The following PLAA variants were observed in gnomAD, a reference collection of about 807,000 sequenced individuals.
PLAA encodes phospholipase A-2-activating protein.
PLAA carries 48 observed loss-of-function variants against 84.1 expected under a neutral mutation model. The ratio of observed to expected loss-of-function variants is 0.57; its 90% CI spans 0.45 to 0.73. The LOEUF (loss-of-function observed/expected upper bound fraction) is 0.73. PLAA is among the 30% of genes least tolerant of loss of function. PLAA has a pLI of 0.00. For synonymous variants in PLAA, 392 were observed against 336.6 expected, an observed-to-expected ratio of 1.16 and a Z score of -1.80; for missense variants, 903 against 954.7, an observed-to-expected ratio of 0.95 and a Z score of 0.71.
chr9:26,905,786 A>C lies in PLAA; in HGVS notation c.2113T>G (p.Leu705Val). 6.2e-7 allele frequency: 1 copy of C among 1,614,226 alleles called. No homozygotes were observed. Among genetic ancestry groups the C allele is most frequent in the South Asian group, 1.1e-5 (1 of 91,082 alleles). ...AAACAAACAGAATAGTTCAGGGCCA[A>C]TGTAGCCAGAGCAATGTGAATGTTC... ...NKNIHIALAT[L>V]ALNYSVCFHK... is the part of the protein sequence containing the mutation. Residue 705 changes from leucine to valine, a missense_variant, in exon 14 of 14, where the codon TTG becomes GTG. By Grantham distance (32) the Leu-to-Val change is conservative. Transcript: ENST00000397292.
At chr9:26,943,251 G>T (rs1257374083) in intron 1 of PLAA, among the ~76,000 whole-genome samples, 1 of 152,120 alleles carries the variant, frequency 6.6e-6, no homozygotes, top group African/African-American at 2.4e-5. Flanking sequence ...CAACAGATAT[G>T]TCTCCACTCT....
rs1457437469 is a variant in PLAA at position 26,913,873 on chromosome 9, A to G, written c.1555+6T>C. 5 of 1,584,906 alleles carry G rather than the reference A, an allele frequency of 3.2e-6. No homozygotes were observed. Among genetic ancestry groups the G allele is most frequent in the Non-Finnish European group, 4.3e-6 (5 of 1,159,218 alleles). On this transcript the variant is annotated splice_donor_region_variant and intron_variant, in intron 11 of 13. Coordinates refer to ENST00000397292, the MANE Select transcript of PLAA (RefSeq NM_001031689.3). ...AAAAAAAGAAAAAGAAATAAAAAGT[A>G]TGTACCTGTAAATGGATCAACTCCG...
intron 12 of PLAA, among the ~76,000 whole-genome samples, 169 bp from the exon 13 acceptor site, chr9:26,908,167 C>CT (rs375603485): frequency 0.071 from 9,643 of 135,030 alleles, 532 homozygotes; most frequent in African/African-American, 0.14. Context: ...TGAGCTTTGT[C>CT]TTTTTTTTTT....
At chr9:26,931,807 C>T (rs1008158021) in intron 2 of PLAA, among the ~76,000 whole-genome samples, 2 of 152,040 alleles carry the variant, frequency 1.3e-5, no homozygotes, top group South Asian at 4.1e-4. Context: ...TTTGGAAGGC[C>T]GAGGCAGGCA....
At chr9:26,944,448 A>G (rs1358335431) in intron 1 of PLAA, among the ~76,000 whole-genome samples, 1 of 152,216 alleles carries the variant, frequency 6.6e-6, no homozygotes, top group Non-Finnish European at 1.5e-5. Context: ...GTTGGCATCA[A>G]TAAGAGCTTA....
At chr9:26,942,279 T>C (rs1272949651) in intron 1 of PLAA, among the ~76,000 whole-genome samples, 1 of 152,032 alleles carries the variant, frequency 6.6e-6, no homozygotes, top group Non-Finnish European at 1.5e-5. Context: ...ATCCAACATA[T>C]GAGGTTCAAA....
At chr9:26,944,280 C>G (rs1047237061) in intron 1 of PLAA, among the ~76,000 whole-genome samples, 6 of 152,136 alleles carry the variant, frequency 3.9e-5, no homozygotes, top group African/African-American at 1.4e-4. Flanking sequence ...GCATCCAGAA[C>G]TATGAAAAAT....
chr9:26,938,288 G>A (rs763428902), intron 1 of PLAA, among the ~76,000 whole-genome samples: 1 of 152,056 alleles, frequency 6.6e-6, no homozygotes, highest in South Asian at 2.1e-4. Context: ...TAGGAGAACC[G>A]CTTGAGCCCA....
chr9:26,937,190 T>C (rs1346174557), intron 1 of PLAA, among the ~76,000 whole-genome samples: 2 of 152,100 alleles, frequency 1.3e-5, no homozygotes, highest in Non-Finnish European at 2.9e-5. Context: ...ACACCTTCAT[T>C]TTCCTCTTCT....
intron 1 of PLAA, among the ~76,000 whole-genome samples, chr9:26,939,344 C>T (rs1024943224): frequency 2.6e-5 from 4 of 151,664 alleles, no homozygotes; most frequent in Non-Finnish European, 5.9e-5. Flanking sequence ...GCCGAGATTG[C>T]GCCACTGCAC....
At chr9:26,940,342 T>C (rs184938057) in intron 1 of PLAA, among the ~76,000 whole-genome samples, 60 of 152,348 alleles carry the variant, frequency 3.9e-4, no homozygotes, top group African/African-American at 1.4e-3. Flanking sequence ...TTCTGACATA[T>C]GCTACAACAT....
chr9:26,923,707 G>C (rs978536138), intron 6 of PLAA, among the ~76,000 whole-genome samples: 1 of 152,132 alleles, frequency 6.6e-6, no homozygotes. Flanking sequence ...AGGGCTCAAA[G>C]ACCCAATGTA....
In PLAA at chr9:26,916,959, A is replaced by G. The variant is rs530647227; in HGVS notation, c.1486+138T>C. 73 of 751,260 alleles carry G rather than the reference A, an allele frequency of 9.7e-5. 1 individual carries two copies. The South Asian group carries it at 1.4e-3, about 14-fold the overall frequency. 46.5% of individuals were successfully genotyped at this position (751,260 alleles called of 1,614,324 possible). Reference sequence around the variant, plus strand: ...AAAGCAAAAATCAGAAGTTAAAGAAAAGGAAATCCATCAAAATTGGAAATG... The same window carrying G: ...AAAGCAAAAATCAGAAGTTAAAGAAGAGGAAATCCATCAAAATTGGAAATG... On this transcript the variant is annotated intron_variant, in intron 10 of 13. Transcript: ENST00000397292.
chr9:26,942,424 G>T (rs1170202795), intron 1 of PLAA, among the ~76,000 whole-genome samples: 4 of 152,228 alleles, frequency 2.6e-5, no homozygotes, highest in African/African-American at 9.6e-5. Context: ...AAGGCCTTAA[G>T]AGGTGATTCG....
At chr9:26,915,858 C>A (rs776769592) in intron 10 of PLAA, 12 of 985,300 alleles carry the variant, frequency 1.2e-5, no homozygotes, top group Non-Finnish European at 1.4e-5. Flanking sequence ...AGAAAAAAAG[C>A]CGCCAAAGTG....
At position 26,907,956 on chromosome 9, in the gene PLAA, T is replaced by A. The variant is rs1174566634; in HGVS notation, c.1700A>T (p.Lys567Met). 4 of 1,608,304 alleles carry A rather than the reference T, an allele frequency of 2.5e-6. No individual in the cohort carries two copies. In the South Asian group the frequency reaches 3.3e-5, roughly 13 times the overall value. The change falls in exon 13 of 14, where the codon AAG (lysine) becomes ATG (methionine). Residue 567 changes from lysine to methionine, a missense_variant. By Grantham distance (95) the Lys-to-Met change is moderately conservative. Coordinates refer to ENST00000397292, the MANE Select transcript of PLAA (RefSeq NM_001031689.3). ...AAGTATCAAGTCATCCTCAGTTAAC[T>A]TCTTCTCTTCAGGTGCAGTTCCATT... Reference protein sequence around the residue: ...ELNGTAPEEKKLTEDDLILLE... With the variant: ...ELNGTAPEEKMLTEDDLILLE...
Position 26,916,643 on chromosome 9 carries a change from T to C in PLAA, c.1486+454A>G, listed in dbSNP as rs1336763905. ...CACATGGCTCCTTCTCTGCTCGTGA[T>C]TGGTAGCATCTCGCCAGTGATAGCA... On this transcript the variant is annotated intron_variant, in intron 10 of 13. Coordinates refer to ENST00000397292, the MANE Select transcript of PLAA (RefSeq NM_001031689.3). 1.7e-5 allele frequency: 17 copies of C among 989,798 alleles called. No individual in the cohort carries two copies. The South Asian group carries it at 5.6e-4, about 32-fold the overall frequency. The allele number at this position is 989,798 out of a possible 1,614,324, so 61.3% of individuals were successfully genotyped here.
intron 8 of PLAA, 80 bp from the exon 9 acceptor site, chr9:26,919,609 T>G (rs10120342): frequency 0.26 from 200,238 of 772,242 alleles, 26,678 homozygotes; most frequent in Middle Eastern, 0.35. Flanking sequence ...ATAACACAGA[T>G]GTGTTCTTTA....
chr9:26,946,947 G>A lies in PLAA; in HGVS notation c.99C>T (p.Ala33=), dbSNP rs368369595. 6.3e-7 allele frequency: 1 copy of A among 1,587,222 alleles called. No homozygotes were observed. The highest frequency in any genetic ancestry group is 8.6e-7 in the Non-Finnish European group (1 of 1,166,770). The stretch of plus-strand genomic sequence containing the variant: ...TGCGGTCTCGGGACACGGACACAAA[G>A]GCTCCCGGCGGATAGGCGCAGCACA... ...GLVCCAYPPG[A]FVSVSRDRTT... is the part of the protein sequence containing the mutation. Residue 33 remains alanine, a synonymous_variant, in exon 1 of 14, where the codon GCC becomes GCT. Transcript: ENST00000397292.
Sources: gnomAD v4.1 joint callset for allele counts (sites outside exome capture counted in the v4.1 genomes callset) on GRCh38, gnomAD v4.1.1 for gene constraint, MANE v1.5 for transcripts, NCBI Gene and HGNC (gene_info 2026-07-23, HGNC 2026-07-21) for gene names.